Variants in DIP2C observed in about 807,000 individuals in gnomAD.
The protein encoded by DIP2C is disco-interacting protein 2 homolog C.
Under a neutral mutation model 192.4 loss-of-function variants are expected in DIP2C, and 33 were observed. That is an observed-to-expected ratio of 0.17 (90% CI 0.13 to 0.23). The LOEUF (loss-of-function observed/expected upper bound fraction) is 0.23, where lower values mean the gene tolerates loss of function less well. Ranked by LOEUF, DIP2C falls within the 10% of genes least tolerant of loss-of-function variation. The pLI is 1.00. For synonymous variants in DIP2C, 979 were observed against 864.1 expected (o/e 1.13, Z -2.33); for missense variants, 1,537 against 2,110.1 (o/e 0.73, Z 5.32).
chr10:679,724 G>GCCCA lies in DIP2C; in HGVS notation c.85+9769_85+9770insTGGG, dbSNP rs1564337294. 1.8e-3 allele frequency among the ~76,000 whole-genome samples: 243 copies of GCCCA among 138,828 alleles called. 1 individual carries two copies. Among genetic ancestry groups the GCCCA allele is most frequent in the Middle Eastern group, 5.0e-3 (1 of 202 alleles). 91.1% of individuals were successfully genotyped at this position (138,828 alleles called of 152,430 possible). On this transcript the variant is annotated intron_variant, in intron 1 of 36. Transcript: ENST00000280886. ...CCCCATGCCCATGCTCCCTGCATCC[G>GCCCA]TCCTCCCCACGCCCATCTGTGCTCC...
chr10:324,818 C>G (rs1425562433), intron 31 of DIP2C: 2 of 450,264 alleles, frequency 4.4e-6, no homozygotes, highest in Non-Finnish European at 9.3e-6. Context: ...CGGTGGCACG[C>G]TTCAGAAGCC....
At chr10:367,416 G>GAAA (rs1194728801) in intron 18 of DIP2C, among the ~76,000 whole-genome samples, 2 of 109,324 alleles carry the variant, frequency 1.8e-5, no homozygotes, top group Non-Finnish European at 2.0e-5. Context: ...CTCCGTCTCA[G>GAAA]AAAAAAAAAA....
chr10:671,043 C>T (rs971449346), intron 1 of DIP2C, among the ~76,000 whole-genome samples: 15 of 152,248 alleles, frequency 9.9e-5, no homozygotes, highest in African/African-American at 3.6e-4. Context: ...TGCCCCGAGG[C>T]CGCTTCAGGA....
At chr10:329,727 T>C in intron 29 of DIP2C, 126 bp from the exon 30 acceptor site, 1 of 1,224,770 alleles carries the variant, frequency 8.2e-7, no homozygotes, top group Non-Finnish European at 1.1e-6. Flanking sequence ...TGCTGCCATC[T>C]GTAGAAGGGC....
At chr10:567,593 C>G (rs1849529133) in intron 1 of DIP2C, among the ~76,000 whole-genome samples, 2 of 152,212 alleles carry the variant, frequency 1.3e-5, no homozygotes, top group Non-Finnish European at 2.9e-5. Flanking sequence ...AACAAACATT[C>G]TCTCCTCTGC....
At chr10:647,454 C>T (rs1156858290) in intron 1 of DIP2C, among the ~76,000 whole-genome samples, 36 of 88,002 alleles carry the variant, frequency 4.1e-4, no homozygotes, top group African/African-American at 1.6e-3. Flanking sequence ...GGATGGTGGG[C>T]GAGAACAGAA....
chr10:301,429 A>G (rs1002792115), intron 32 of DIP2C, among the ~76,000 whole-genome samples: 1 of 152,114 alleles, frequency 6.6e-6, no homozygotes, highest in Non-Finnish European at 1.5e-5. Context: ...GTCAGGAGAA[A>G]AGGCAGCTGC....
At chr10:614,034 C>T (rs1338665574) in intron 1 of DIP2C, among the ~76,000 whole-genome samples, 1 of 152,234 alleles carries the variant, frequency 6.6e-6, no homozygotes, top group East Asian at 1.9e-4. Flanking sequence ...CAACGTCCTC[C>T]ATGGCAGGAC....
rs184197857 is a variant in DIP2C, at chr10:650,660, C to T, written c.85+38834G>A. ...GAGGCGGGGAAGCCATTCCACAGCA[C>T]GTGAGCTGGCAAGGGGCCTCCCAGC... On this transcript the variant is annotated intron_variant, in intron 1 of 36. Transcript: ENST00000280886. 1,607 of 619,264 alleles carry T rather than the reference C, an allele frequency of 2.6e-3. 14 individuals are homozygous for T. Among genetic ancestry groups the T allele is most frequent in the Middle Eastern group, 0.011 (26 of 2,444 alleles). The allele number at this position is 619,264 out of a possible 1,614,324, so 38.4% of individuals were successfully genotyped here. A position where few individuals can be genotyped will look rare whatever the true frequency, so the allele number is the denominator to read the frequency against.
chr10:613,319 G>A (rs559942531), intron 1 of DIP2C, among the ~76,000 whole-genome samples: 1 of 152,214 alleles, frequency 6.6e-6, no homozygotes, highest in South Asian at 2.1e-4. Flanking sequence ...ACGTCAGCTA[G>A]AGCCGATCAC....
In DIP2C at chr10:651,148, A is replaced by T; in HGVS notation, c.85+38346T>A. 1.4e-6 allele frequency: 1 copy of T among 717,468 alleles called. No homozygotes were observed. Among genetic ancestry groups the T allele is most frequent in the South Asian group, 1.5e-5 (1 of 67,598 alleles). The allele number at this position is 717,468 out of a possible 1,614,324, so 44.4% of individuals were successfully genotyped here. On this transcript the variant is annotated intron_variant, in intron 1 of 36. Transcript: ENST00000280886. This position sits in a 1 kb window ranked among gnomAD's most constrained non-coding sequence, Gnocchi z 4.1. ...TCAGTCAATGTCCACTGGGGGCCTC[A>T]GGGGCACCTCCACCTGCCCAGGTCT...
intron 3 of DIP2C, among the ~76,000 whole-genome samples, chr10:472,187 A>C (rs1021492766): frequency 4.6e-5 from 7 of 152,228 alleles, no homozygotes; most frequent in Non-Finnish European, 1.5e-5. Context: ...AAAATTTGGC[A>C]CGAGATTATA....
In DIP2C at chr10:651,358, T is replaced by C. The variant is rs375895503; in HGVS notation, c.85+38136A>G. ...CCACCTACTTTTGCATCCCCAGCAC[T>C]GTGCTCAGGTCCCAGGGAGGCCCCA... On this transcript the variant is annotated intron_variant, in intron 1 of 36. Coordinates refer to ENST00000280886, the MANE Select transcript of DIP2C (RefSeq NM_014974.3). This position sits in a 1 kb window ranked among gnomAD's most constrained non-coding sequence, Gnocchi z 4.1. 2.0e-5 allele frequency: 14 copies of C among 702,164 alleles called. No individual in the cohort carries two copies. The highest frequency in any genetic ancestry group is 1.9e-4 in the African/African-American group (11 of 57,228). 43.5% of individuals were successfully genotyped at this position (702,164 alleles called of 1,614,324 possible).
In DIP2C at chr10:275,907, T is replaced by C. The variant is rs2132103819; in HGVS notation, c.*1418A>G. The stretch of plus-strand genomic sequence containing the variant: ...TGAACCCCCGGGGAACTGTGCTCAC[T>C]GAGCGAGGGAGCCCCAGAGGCTCAC... On this transcript the variant is annotated 3_prime_UTR_variant, in exon 37 of 37. Transcript: ENST00000280886. The C allele has an allele frequency of 6.6e-6, 1 of 152,304 alleles. No individual in the cohort carries two copies. Among genetic ancestry groups the C allele is most frequent in the East Asian group, 1.9e-4 (1 of 5,176 alleles). The allele number at this position is 152,304 out of a possible 1,614,324, so 9.4% of individuals were successfully genotyped here.
intron 1 of DIP2C, among the ~76,000 whole-genome samples, chr10:574,491 G>C (rs1166039172): frequency 6.6e-6 from 1 of 152,228 alleles, no homozygotes; most frequent in Non-Finnish European, 1.5e-5. Context: ...AAGGACTCTG[G>C]CCCAAGCCCA....
At chr10:342,371 G>A (rs1958194653) in intron 28 of DIP2C, among the ~76,000 whole-genome samples, 1 of 152,136 alleles carries the variant, frequency 6.6e-6, no homozygotes, top group Admixed American at 6.5e-5. Flanking sequence ...TGTTAGGCAG[G>A]ATGGTCTCGA....
intron 1 of DIP2C, among the ~76,000 whole-genome samples, chr10:622,964 G>A (rs1439979930): frequency 6.6e-6 from 1 of 152,228 alleles, no homozygotes; most frequent in African/African-American, 2.4e-5. Context: ...TCAGCCTGAT[G>A]GCTGTAATGT....
intron 19 of DIP2C, chr10:364,888 A>C: frequency 1.7e-6 from 1 of 585,908 alleles, no homozygotes; most frequent in Non-Finnish European, 3.3e-6. Context: ...ATCAGCAGTA[A>C]CTGATTACTT....
chr10:522,669 C>G (rs541422049), intron 1 of DIP2C, among the ~76,000 whole-genome samples: 2 of 152,248 alleles, frequency 1.3e-5, no homozygotes, highest in Non-Finnish European at 2.9e-5. Context: ...CCATCTGTGT[C>G]TCTTCTTTGT....
Sources: allele counts gnomAD v4.1 joint callset (sites outside exome capture counted in the v4.1 genomes callset), GRCh38; gene constraint gnomAD v4.1.1; non-coding constraint Gnocchi (gnomAD v3.1); transcripts MANE v1.5; gene names NCBI Gene and HGNC (gene_info 2026-07-23, HGNC 2026-07-21).